The following F5 variants were observed in gnomAD, a reference collection of about 807,000 sequenced individuals.
F5 encodes the protein activated protein c cofactor.
A neutral mutation model predicts 216.4 loss-of-function variants in F5; 138 were observed. The observed-to-expected ratio is 0.64, with a 90% confidence interval of 0.56 to 0.73. F5 has a LOEUF of 0.73. Among genes scored for constraint, F5 ranks in the 30% least tolerant of loss-of-function variants. The pLI is 0.00. For synonymous variants in F5, 916 were observed against 930.7 expected, an observed-to-expected ratio of 0.98 and a Z score of 0.29; for missense variants, 2,403 against 2,674.0, an observed-to-expected ratio of 0.90 and a Z score of 2.24.
chr1:169,552,222 A>G (rs895744498), intron 8 of F5, among the ~76,000 whole-genome samples: 4 of 152,120 alleles, frequency 2.6e-5, no homozygotes, highest in African/African-American at 9.7e-5. Flanking sequence ...CCTTTTTTAC[A>G]CTGACTGCCA....
In F5 at chr1:169,536,580, G is replaced by A. The variant is rs763740908; in HGVS notation, c.4897C>T (p.Pro1633Ser). 7 of 1,613,492 alleles carry A rather than the reference G, an allele frequency of 4.3e-6. No individual in the cohort carries two copies. In the Admixed American group the frequency reaches 8.3e-5, roughly 19 times the overall value. ...YLDSTFTKRD[P>S]RGEYEEHLGI... Reference sequence around the variant, plus strand: ...AGATGCTCTTCATACTCCCCTCGAGGATCACGTTTGGTAAAAGTGCTGTCG... The same window carrying A: ...AGATGCTCTTCATACTCCCCTCGAGAATCACGTTTGGTAAAAGTGCTGTCG... The change falls in exon 14 of 25, where the codon CCT becomes TCT. Residue 1633 changes from proline (P) to serine (S), a missense_variant. Physicochemically the swap from Pro to Ser is moderately conservative, Grantham distance 74. This residue lies in a region of F5 where 659 missense variants were observed against 787.9 expected (regional missense o/e 0.84). Transcript: ENST00000367797.
rs1557916192 is a variant in F5, at chr1:169,542,413, G to A, written c.2677C>T (p.His893Tyr). 1 of 1,614,132 alleles carries A rather than the reference G, an allele frequency of 6.2e-7. No individual in the cohort carries two copies. Among genetic ancestry groups the A allele is most frequent in the Non-Finnish European group, 8.5e-7 (1 of 1,180,000 alleles). Residue 893 changes from histidine to tyrosine, a missense_variant, in exon 13 of 25, where the codon CAC becomes TAC. Transcript: ENST00000367797. ...MKLLAHKVGR[H>Y]LSQDTGSPSG... ...GGAGAACCAGTGTCTTGGCTTAGGT[G>A]TCTCCCAACTTTATGTGCTAGTAAT...
Position 169,523,841 on chromosome 1 carries a change from TCTACA to T in F5, c.5847_5851del (p.Ser1949ArgfsTer10). ...AGAGGCAAATTCTGCTGCAAGTTTT[TCTACA>T]CTCCAAGCATTATAAGATCCACCAT... On this transcript the variant is annotated frameshift_variant, in exon 20 of 25. Coordinates refer to ENST00000367797, the MANE Select transcript of F5 (RefSeq NM_000130.5). LOFTEE classifies it high-confidence loss of function. The T allele has an allele frequency of 6.2e-7, 1 of 1,613,982 alleles. No homozygotes were observed. The highest frequency in any genetic ancestry group is 1.1e-5 in the South Asian group (1 of 91,088).
chr1:169,520,322 G>A (rs753284155), intron 22 of F5, among the ~76,000 whole-genome samples, 198 bp downstream of exon 22: 8 of 152,170 alleles, frequency 5.3e-5, no homozygotes, highest in Non-Finnish European at 1.2e-4. Context: ...CAGAGATGCT[G>A]TCGGCACTCT....
At chr1:169,566,646 G>A (rs1051077555) in intron 3 of F5, among the ~76,000 whole-genome samples, 2 of 151,976 alleles carry the variant, frequency 1.3e-5, no homozygotes, top group Non-Finnish European at 2.9e-5. Context: ...TTTGCTAACT[G>A]TGGGAACTTG....
chr1:169,535,512 T>C (rs768573463), intron 14 of F5, among the ~76,000 whole-genome samples: 3 of 152,142 alleles, frequency 2.0e-5, no homozygotes, highest in African/African-American at 4.8e-5. Context: ...CTGTACCCAA[T>C]AGGTAGCTTT....
rs1379054147 is a variant in F5, at chr1:169,520,574, G to A, written c.6139C>T (p.Arg2047Ter). The change falls in exon 22 of 25, where the codon CGA (arginine) becomes TGA (stop). Residue 2047 changes from arginine to a stop codon, truncating the protein, a stop_gained. Transcript: ENST00000367797. LOFTEE classifies it high-confidence loss of function. ...VARYIRISPTRAYNRPTLRLE... is the reference protein window; with the variant it reads ...VARYIRISPT ...CGAAGGGTAGGTCTGTTATAGGCTC[G>A]AGTTGGAGAGATCCTAATATATCTA... 6.2e-6 allele frequency: 10 copies of A among 1,613,806 alleles called. No homozygotes were observed. Among genetic ancestry groups the A allele is most frequent in the Admixed American group, 1.7e-5 (1 of 60,000 alleles).
chr1:169,530,526 G>T (rs1392585060), intron 15 of F5, among the ~76,000 whole-genome samples: 3 of 152,158 alleles, frequency 2.0e-5, no homozygotes, highest in Non-Finnish European at 4.4e-5. Flanking sequence ...TTCTGTAAAT[G>T]TAGGCATTCT....
intron 16 of F5, among the ~76,000 whole-genome samples, chr1:169,528,913 T>C (rs933825744): frequency 6.6e-6 from 1 of 152,182 alleles, no homozygotes; most frequent in African/African-American, 2.4e-5. Flanking sequence ...CGGGTTGAGA[T>C]CATTTGGGCA....
Position 169,529,719 on chromosome 1 carries a change from C to T in F5, c.5308G>A (p.Val1770Ile), listed in dbSNP as rs374815777. 19 of 1,613,828 alleles carry T rather than the reference C, an allele frequency of 1.2e-5. No homozygotes were observed. The highest frequency in any genetic ancestry group is 1.6e-5 in the Non-Finnish European group (19 of 1,179,802). The change falls in exon 16 of 25, where the codon GTC becomes ATC. Residue 1770 changes from valine (V) to isoleucine (I), a missense_variant. Transcript: ENST00000367797. ...TCATCAAAGGTCATAAATAGTAAGA[C>T]AAATTCTCTCATGTCCATAGGCATG... ...SNMPMDMREF[V>I]LLFMTFDEKK... is the part of the protein sequence containing the mutation.
intron 3 of F5, among the ~76,000 whole-genome samples, chr1:169,565,640 G>T (rs1299445855): frequency 2.0e-5 from 3 of 152,066 alleles, no homozygotes; most frequent in Non-Finnish European, 4.4e-5. Flanking sequence ...AAAACCTGGA[G>T]ATCTGGTTAA....
At chr1:169,558,851 T>C (rs1024420298) in intron 5 of F5, among the ~76,000 whole-genome samples, 5 of 152,148 alleles carry the variant, frequency 3.3e-5, no homozygotes, top group African/African-American at 1.2e-4. Flanking sequence ...GGTCATCATA[T>C]AGAGGAACTG....
chr1:169,559,315 G>A lies in F5; in HGVS notation c.587-19C>T, dbSNP rs41272461. ...AGGGTCCCTATGAAAGGAAAGACATGTTTTCAGTAGCACTGCAGATAGAAG... is the reference window on the plus strand; with the variant it reads ...AGGGTCCCTATGAAAGGAAAGACATATTTTCAGTAGCACTGCAGATAGAAG... On this transcript the variant is annotated intron_variant, in intron 4 of 24. Transcript: ENST00000367797. 50 of 1,613,112 alleles carry A rather than the reference G, an allele frequency of 3.1e-5. No homozygotes were observed. Among genetic ancestry groups the A allele is most frequent in the Non-Finnish European group, 4.0e-5 (47 of 1,179,426 alleles).
At chr1:169,517,179 T>C (rs1359081785) in intron 23 of F5, among the ~76,000 whole-genome samples, 1 of 152,174 alleles carries the variant, frequency 6.6e-6, no homozygotes, top group African/African-American at 2.4e-5. Flanking sequence ...GGAAGGAGCA[T>C]GGCCTGTTTA....
intron 1 of F5, 82 bp downstream of exon 1, chr1:169,586,147 T>C: frequency 6.7e-7 from 1 of 1,492,176 alleles, no homozygotes; most frequent in Non-Finnish European, 9.1e-7. Context: ...AAAAAAGCCA[T>C]GACATTGCAA....
chr1:169,577,124 A>T (rs1660869591), intron 2 of F5, among the ~76,000 whole-genome samples: 1 of 152,056 alleles, frequency 6.6e-6, no homozygotes, highest in Admixed American at 6.6e-5. Flanking sequence ...CCAAAGCTGG[A>T]TTGGGGAAAG....
rs1158543783 is a variant in F5, at chr1:169,540,746, G to C, written c.4344C>G (p.Leu1448=). ...GAGGTGATATCTGGCTGAGATCCGG[G>C]AGAAGGGTGGTGTCACTGATGTCTG... ...LSPDISDTTL[L]PDLSQISPPP... is the part of the protein sequence containing the mutation. The change falls in exon 13 of 25, where the codon CTC becomes CTG. Residue 1448 remains leucine, a synonymous_variant. Coordinates refer to ENST00000367797, the MANE Select transcript of F5 (RefSeq NM_000130.5). The C allele has an allele frequency of 6.2e-7, 1 of 1,614,068 alleles. No homozygotes were observed. The highest frequency in any genetic ancestry group is 8.5e-7 in the Non-Finnish European group (1 of 1,179,984).
Position 169,542,912 on chromosome 1 carries a change from G to A in F5, c.2178C>T (p.Tyr726=). The A allele has an allele frequency of 1.9e-6, 3 of 1,614,056 alleles. No homozygotes were observed. Among genetic ancestry groups the A allele is most frequent in the Non-Finnish European group, 2.5e-6 (3 of 1,179,966 alleles). ...CTAATGCTGCAGCCAGTCTGTTCTGGTAATCATAGTCAGCATCACTCTCTT... is the reference window on the plus strand; with the variant it reads ...CTAATGCTGCAGCCAGTCTGTTCTGATAATCATAGTCAGCATCACTCTCTT... ...EDEESDADYD[Y]QNRLAAALGI... is the part of the protein sequence containing the mutation. The change falls in exon 13 of 25, where the codon TAC becomes TAT. Residue 726 remains tyrosine (Y), a synonymous_variant. Transcript: ENST00000367797.
rs1293568945 is a variant in F5, at chr1:169,552,949, T to C, written c.1119-215A>G. On this transcript the variant is annotated intron_variant, in intron 7 of 24. Transcript: ENST00000367797. ...TCTCCTGCATCACTGATAAAAGTCA[T>C]AGGTAACTGGTTAGAAGCAGCTACT... 4.6e-5 allele frequency among the ~76,000 whole-genome samples: 7 copies of C among 152,200 alleles called. No individual in the cohort carries two copies. The East Asian group carries it at 1.2e-3, about 25-fold the overall frequency.
Sources: allele counts gnomAD v4.1 joint callset (sites outside exome capture counted in the v4.1 genomes callset), GRCh38; gene constraint gnomAD v4.1.1; regional missense constraint gnomAD v4.1.1; transcripts MANE v1.5; gene names NCBI Gene and HGNC (gene_info 2026-07-23, HGNC 2026-07-21).